BCL2L2: variants seen among roughly 807,000 people sequenced by gnomAD.
BCL2L2 encodes bcl-2-like protein 2.
Under a neutral mutation model 14.6 loss-of-function variants are expected in BCL2L2, and 6 were observed. The ratio of observed to expected loss-of-function variants is 0.41; its 90% CI spans 0.22 to 0.81. The LOEUF (loss-of-function observed/expected upper bound fraction) is 0.81. Ranked by LOEUF, BCL2L2 falls within the 30% of genes least tolerant of loss-of-function variation. The pLI is 0.32. For synonymous variants in BCL2L2, 90 were observed against 108.5 expected (o/e 0.83, Z 1.06); for missense variants, 191 against 260.5 (o/e 0.73, Z 1.84).
In BCL2L2 at chr14:23,311,308, C is replaced by G; in HGVS notation, c.*2343C>G. ...GCCATATAGTTCCTTGGGATTAGCT[C>G]TTGGCCAAGAAGGCTGAGTATGGTT... On this transcript the variant is annotated 3_prime_UTR_variant, in exon 4 of 4. Coordinates refer to ENST00000250405, the MANE Select transcript of BCL2L2 (RefSeq NM_004050.5). The G allele has an allele frequency of 9.0e-7, 1 of 1,115,410 alleles. No individual in the cohort carries two copies. Among genetic ancestry groups the G allele is most frequent in the Non-Finnish European group, 1.1e-6 (1 of 907,182 alleles). The allele number at this position is 1,115,410 out of a possible 1,614,324, so 69.1% of individuals were successfully genotyped here.
rs183840707 is a variant in BCL2L2, at chr14:23,311,570, C to T, written c.*2605C>T. On this transcript the variant is annotated 3_prime_UTR_variant, in exon 4 of 4. Transcript: ENST00000250405. ...AAACACTATTTTACTTTTTTAAAAT[C>T]ATAAAACGGCAGAACAGATTTGGTT... 83 of 985,636 alleles carry T rather than the reference C, an allele frequency of 8.4e-5. No homozygotes were observed. The East Asian group carries it at 1.9e-3, about 23-fold the overall frequency. The allele number at this position is 985,636 out of a possible 1,614,324, so 61.1% of individuals were successfully genotyped here.
At chr14:23,307,636 T>A in intron 2 of BCL2L2, 124 bp from the exon 3 acceptor site, 1 of 1,312,686 alleles carries the variant, frequency 7.6e-7, no homozygotes, top group Non-Finnish European at 1.0e-6. Context: ...TGCCTCTCCC[T>A]GTCCAGTGAG....
chr14:23,309,506 G>A lies in BCL2L2; in HGVS notation c.*541G>A. The A allele has an allele frequency of 2.0e-6, 2 of 986,028 alleles. No homozygotes were observed. The highest frequency in any genetic ancestry group is 2.4e-6 in the Non-Finnish European group (2 of 830,318). 61.1% of individuals were successfully genotyped at this position (986,028 alleles called of 1,614,324 possible). A position where few individuals can be genotyped will look rare whatever the true frequency, so the allele number is the denominator to read the frequency against. ...TGGTGGTGATGGGATTCCTCAAGGA[G>A]AAAACATTCCCTCTTGCAATGGCAA... On this transcript the variant is annotated 3_prime_UTR_variant, in exon 4 of 4. Coordinates refer to ENST00000250405, the MANE Select transcript of BCL2L2 (RefSeq NM_004050.5).
At position 23,309,602 on chromosome 14, in the gene BCL2L2, G is replaced by A; in HGVS notation, c.*637G>A. The stretch of plus-strand genomic sequence containing the variant: ...CCTGCCCTTGTCCTGATGCCTCAAG[G>A]CTTAGAGAGAAACATTGTATCCAGA... On this transcript the variant is annotated 3_prime_UTR_variant, in exon 4 of 4. Coordinates refer to ENST00000250405, the MANE Select transcript of BCL2L2 (RefSeq NM_004050.5). The A allele has an allele frequency of 2.0e-6, 2 of 985,522 alleles. No homozygotes were observed. The highest frequency in any genetic ancestry group is 2.4e-6 in the Non-Finnish European group (2 of 829,994). 61.0% of individuals were successfully genotyped at this position (985,522 alleles called of 1,614,324 possible). A position where few individuals can be genotyped will look rare whatever the true frequency, so the allele number is the denominator to read the frequency against.
In BCL2L2 at chr14:23,310,063, C is replaced by T. The variant is rs1019311393; in HGVS notation, c.*1098C>T. On this transcript the variant is annotated 3_prime_UTR_variant, in exon 4 of 4. Transcript: ENST00000250405. ...ATGGGTGTGAGGGTGATGGGTACTC[C>T]AGGACTGGCCTATGCTGTGTTGTGG... is the stretch of plus-strand genomic sequence containing the variant. 1 of 985,502 alleles carries T rather than the reference C, an allele frequency of 1.0e-6. No homozygotes were observed. The highest frequency in any genetic ancestry group is 1.2e-6 in the Non-Finnish European group (1 of 830,048). The allele number at this position is 985,502 out of a possible 1,614,324, so 61.0% of individuals were successfully genotyped here.
chr14:23,311,014 C>T lies in BCL2L2; in HGVS notation c.*2049C>T, dbSNP rs1276340114. On this transcript the variant is annotated 3_prime_UTR_variant, in exon 4 of 4. Transcript: ENST00000250405. ...TCACCCTACCCTCTACCACAGGACA[C>T]ATATCCCTGTTAGCATTCCCCGGGA... 6 of 1,289,610 alleles carry T rather than the reference C, an allele frequency of 4.7e-6. No individual in the cohort carries two copies. The highest frequency in any genetic ancestry group is 6.1e-6 in the Non-Finnish European group (6 of 988,692). The allele number at this position is 1,289,610 out of a possible 1,614,324, so 79.9% of individuals were successfully genotyped here. A position where few individuals can be genotyped will look rare whatever the true frequency, so the allele number is the denominator to read the frequency against.
rs1887497002 is a variant in BCL2L2 at position 23,309,778 on chromosome 14, C to T, written c.*813C>T. ...CCTGGGCTCTGATAGAAGGGCAGGGCTGTTGAGCCTGGATGGGTGGAGGCT... is the reference window on the plus strand; with the variant it reads ...CCTGGGCTCTGATAGAAGGGCAGGGTTGTTGAGCCTGGATGGGTGGAGGCT... On this transcript the variant is annotated 3_prime_UTR_variant, in exon 4 of 4. Transcript: ENST00000250405. 2.0e-6 allele frequency: 2 copies of T among 985,418 alleles called. No individual in the cohort carries two copies. The highest frequency in any genetic ancestry group is 2.4e-6 in the Non-Finnish European group (2 of 830,000). 61.0% of individuals were successfully genotyped at this position (985,418 alleles called of 1,614,324 possible). A position where few individuals can be genotyped will look rare whatever the true frequency, so the allele number is the denominator to read the frequency against.
chr14:23,307,551 A>T (rs1478416433), intron 2 of BCL2L2, among the ~76,000 whole-genome samples: 3 of 152,310 alleles, frequency 2.0e-5, no homozygotes, highest in East Asian at 3.9e-4. Context: ...TTTTACATTT[A>T]ATTTGGCATA....
In BCL2L2 at chr14:23,308,028, T is replaced by C; in HGVS notation, c.261T>C (p.Phe87=). The C allele has an allele frequency of 1.2e-6, 2 of 1,614,096 alleles. No individual in the cohort carries two copies. The highest frequency in any genetic ancestry group is 1.7e-6 in the Non-Finnish European group (2 of 1,180,012). The stretch of plus-strand genomic sequence containing the variant: ...TCACCCAGGTCTCCGATGAACTTTT[T>C]CAAGGGGGCCCCAACTGGGGCCGCC... ...QRFTQVSDEL[F]QGGPNWGRLV... Residue 87 remains phenylalanine (F), a synonymous_variant, in exon 3 of 4, where the codon TTT becomes TTC. Transcript: ENST00000250405. The surrounding 1 kb of genome is among the most constrained non-coding windows in gnomAD (Gnocchi z 5.4).
At position 23,308,236 on chromosome 14, in the gene BCL2L2, C is replaced by T. The variant is rs776081645; in HGVS notation, c.432+37C>T. ...CTCAATTGCCGCTCTGCACATCCTT[C>T]TGCAAAGCTGGTCTCCAGGGGGAAG... On this transcript the variant is annotated intron_variant, in intron 3 of 3. Transcript: ENST00000250405. This position sits in a 1 kb window ranked among gnomAD's most constrained non-coding sequence, Gnocchi z 5.4. 6.4e-7 allele frequency: 1 copy of T among 1,552,818 alleles called. No homozygotes were observed. The highest frequency in any genetic ancestry group is 1.2e-5 in the South Asian group (1 of 82,204).
rs752315636 is a variant in BCL2L2, at chr14:23,310,018, C to G, written c.*1053C>G. 1.9e-5 allele frequency: 19 copies of G among 985,380 alleles called. No individual in the cohort carries two copies. Among genetic ancestry groups the G allele is most frequent in the Non-Finnish European group, 2.0e-5 (17 of 830,030 alleles). The allele number at this position is 985,380 out of a possible 1,614,324, so 61.0% of individuals were successfully genotyped here. A position where few individuals can be genotyped will look rare whatever the true frequency, so the allele number is the denominator to read the frequency against. On this transcript the variant is annotated 3_prime_UTR_variant, in exon 4 of 4. Coordinates refer to ENST00000250405, the MANE Select transcript of BCL2L2 (RefSeq NM_004050.5). ...TGAGACTGTTGATGCCTTGAGATGA[C>G]CATTTCAGATCTGAATCCCATGGGT...
chr14:23,310,309 T>C lies in BCL2L2; in HGVS notation c.*1344T>C. 1.0e-6 allele frequency: 1 copy of C among 986,546 alleles called. No individual in the cohort carries two copies. Among genetic ancestry groups the C allele is most frequent in the Non-Finnish European group, 1.2e-6 (1 of 830,434 alleles). The allele number at this position is 986,546 out of a possible 1,614,324, so 61.1% of individuals were successfully genotyped here. A position where few individuals can be genotyped will look rare whatever the true frequency, so the allele number is the denominator to read the frequency against. On this transcript the variant is annotated 3_prime_UTR_variant, in exon 4 of 4. Transcript: ENST00000250405. ...GAAGAAATTATTCACTCCAGATGCATGCCCTGAGCCAGACCTCACTGCTGC... is the reference window on the plus strand; with the variant it reads ...GAAGAAATTATTCACTCCAGATGCACGCCCTGAGCCAGACCTCACTGCTGC...
Position 23,308,151 on chromosome 14 carries a change from C to G in BCL2L2, c.384C>G (p.Ala128=). 6.2e-7 allele frequency: 1 copy of G among 1,613,578 alleles called. No homozygotes were observed. The highest frequency in any genetic ancestry group is 8.5e-7 in the Non-Finnish European group (1 of 1,179,972). ...GACAAGTGCAGGAGTGGATGGTGGC[C>G]TACCTGGAGACGCAGCTGGCTGACT... The part of the protein sequence containing the change: ...LVGQVQEWMV[A]YLETQLADWI... The change falls in exon 3 of 4, where the codon GCC becomes GCG. Residue 128 remains alanine, a synonymous_variant. Coordinates refer to ENST00000250405, the MANE Select transcript of BCL2L2 (RefSeq NM_004050.5). The surrounding 1 kb of genome is among the most constrained non-coding windows in gnomAD (Gnocchi z 5.4).
rs538075801 is a variant in BCL2L2, at chr14:23,309,257, C to T, written c.*292C>T. ...CGCCTATAGGTGTGGGCACATGAAA[C>T]GACCTGGAACTTGCTTCACAGCCCT... On this transcript the variant is annotated 3_prime_UTR_variant, in exon 4 of 4. Coordinates refer to ENST00000250405, the MANE Select transcript of BCL2L2 (RefSeq NM_004050.5). 64 of 1,173,480 alleles carry T rather than the reference C, an allele frequency of 5.5e-5. No individual in the cohort carries two copies. Among genetic ancestry groups the T allele is most frequent in the Non-Finnish European group, 6.4e-5 (61 of 950,884 alleles). 72.7% of individuals were successfully genotyped at this position (1,173,480 alleles called of 1,614,324 possible).
rs1354937822 is a variant in BCL2L2 at position 23,308,946 on chromosome 14, C to A, written c.563C>A (p.Ala188Asp). 5 of 1,323,922 alleles carry A rather than the reference C, an allele frequency of 3.8e-6. No individual in the cohort carries two copies. Among genetic ancestry groups the A allele is most frequent in the East Asian group, 2.8e-5 (1 of 35,788 alleles). The allele number at this position is 1,323,922 out of a possible 1,614,324, so 82.0% of individuals were successfully genotyped here. Residue 188 changes from alanine to aspartate, a missense_variant, in exon 4 of 4, where the codon GCC (alanine) becomes GAC (aspartate). Coordinates refer to ENST00000250405, the MANE Select transcript of BCL2L2 (RefSeq NM_004050.5). This position sits in a 1 kb window ranked among gnomAD's most constrained non-coding sequence, Gnocchi z 5.4. Reference sequence around the variant, plus strand: ...CTGGGGGCCCTGGTAACTGTAGGGGCCTTTTTTGCTAGCAAGTGAAAGTCC... The same window carrying A: ...CTGGGGGCCCTGGTAACTGTAGGGGACTTTTTTGCTAGCAAGTGAAAGTCC... ...VALGALVTVG[A>D]FFASK
Position 23,311,320 on chromosome 14 carries a change from G to A in BCL2L2, c.*2355G>A. The A allele has an allele frequency of 2.7e-6, 3 of 1,097,172 alleles. No individual in the cohort carries two copies. The highest frequency in any genetic ancestry group is 3.3e-6 in the Non-Finnish European group (3 of 896,798). The allele number at this position is 1,097,172 out of a possible 1,614,324, so 68.0% of individuals were successfully genotyped here. A position where few individuals can be genotyped will look rare whatever the true frequency, so the allele number is the denominator to read the frequency against. ...CTTGGGATTAGCTCTTGGCCAAGAA[G>A]GCTGAGTATGGTTCCCAATTTTTAA... is the stretch of plus-strand genomic sequence containing the variant. On this transcript the variant is annotated 3_prime_UTR_variant, in exon 4 of 4. Transcript: ENST00000250405.
Position 23,308,938 on chromosome 14 carries a change from T to C in BCL2L2, c.555T>C (p.Thr185=), listed in dbSNP as rs371070231. 7.6e-7 allele frequency: 1 copy of C among 1,323,802 alleles called. No individual in the cohort carries two copies. Among genetic ancestry groups the C allele is most frequent in the Non-Finnish European group, 9.7e-7 (1 of 1,028,240 alleles). 82.0% of individuals were successfully genotyped at this position (1,323,802 alleles called of 1,614,324 possible). A position where few individuals can be genotyped will look rare whatever the true frequency, so the allele number is the denominator to read the frequency against. The change falls in exon 4 of 4, where the codon ACT becomes ACC. Residue 185 remains threonine (T), a synonymous_variant. Coordinates refer to ENST00000250405, the MANE Select transcript of BCL2L2 (RefSeq NM_004050.5). The surrounding 1 kb of genome is among the most constrained non-coding windows in gnomAD (Gnocchi z 5.4). ...CCGTGGCACTGGGGGCCCTGGTAACTGTAGGGGCCTTTTTTGCTAGCAAGT... is the reference window on the plus strand; with the variant it reads ...CCGTGGCACTGGGGGCCCTGGTAACCGTAGGGGCCTTTTTTGCTAGCAAGT... ...TGAVALGALV[T]VGAFFASK
chr14:23,311,499 G>A lies in BCL2L2; in HGVS notation c.*2534G>A, dbSNP rs191254635. The A allele has an allele frequency of 1.1e-5, 11 of 1,000,042 alleles. No homozygotes were observed. The highest frequency in any genetic ancestry group is 5.9e-5 in the Admixed American group (1 of 17,074). 61.9% of individuals were successfully genotyped at this position (1,000,042 alleles called of 1,614,324 possible). On this transcript the variant is annotated 3_prime_UTR_variant, in exon 4 of 4. Transcript: ENST00000250405. ...GGAAGGAGCGGAAGTAGGGCAACTCGGTCCTGCGATTATTAATCCCACTCC... is the reference window on the plus strand; with the variant it reads ...GGAAGGAGCGGAAGTAGGGCAACTCAGTCCTGCGATTATTAATCCCACTCC...
Position 23,311,338 on chromosome 14 carries a change from A to G in BCL2L2, c.*2373A>G, listed in dbSNP as rs1887603686. On this transcript the variant is annotated 3_prime_UTR_variant, in exon 4 of 4. Coordinates refer to ENST00000250405, the MANE Select transcript of BCL2L2 (RefSeq NM_004050.5). ...CCAAGAAGGCTGAGTATGGTTCCCA[A>G]TTTTTAAATCCATTTCATTTTTTAA... 1.8e-6 allele frequency: 2 copies of G among 1,081,512 alleles called. No individual in the cohort carries two copies. Among genetic ancestry groups the G allele is most frequent in the African/African-American group, 3.5e-5 (2 of 57,926 alleles). 67.0% of individuals were successfully genotyped at this position (1,081,512 alleles called of 1,614,324 possible). A position where few individuals can be genotyped will look rare whatever the true frequency, so the allele number is the denominator to read the frequency against.
Sources: allele counts gnomAD v4.1 joint callset (sites outside exome capture counted in the v4.1 genomes callset), GRCh38; gene constraint gnomAD v4.1.1; non-coding constraint Gnocchi (gnomAD v3.1); transcripts MANE v1.5; gene names NCBI Gene and HGNC (gene_info 2026-07-23, HGNC 2026-07-21).